The following SYT17 variants were observed in gnomAD, a reference collection of about 807,000 sequenced individuals.
The protein encoded by SYT17 is synaptotagmin 17.
SYT17 carries 22 observed loss-of-function variants against 46.7 expected under a neutral mutation model. The observed-to-expected ratio is 0.47, with a 90% CI of 0.34 to 0.67. SYT17 has a LOEUF of 0.67. Among genes scored for constraint, SYT17 ranks in the 30% least tolerant of loss-of-function variants. The pLI is 0.01. For missense variants in SYT17, 519 were observed against 612.8 expected (o/e 0.85, Z 1.62); for synonymous variants, 251 against 248.4 (o/e 1.01, Z -0.10).
chr16:19,218,786 C>T (rs1311889558), intron 5 of SYT17, among the ~76,000 whole-genome samples: 1 of 152,160 alleles, frequency 6.6e-6, no homozygotes, highest in East Asian at 1.9e-4. Flanking sequence ...TTCCTGTAGG[C>T]GTCTCTAGAA....
intron 5 of SYT17, among the ~76,000 whole-genome samples, chr16:19,195,200 G>C (rs374228376): frequency 3.3e-5 from 5 of 152,008 alleles, no homozygotes; most frequent in Admixed American, 6.6e-5. Flanking sequence ...TTTATTGTGT[G>C]AACTATTATT....
intron 5 of SYT17, among the ~76,000 whole-genome samples, chr16:19,221,431 G>T (rs145793158): frequency 6.6e-6 from 1 of 152,208 alleles, no homozygotes; most frequent in East Asian, 1.9e-4. Flanking sequence ...TAAAAATGTG[G>T]AATAGCCTGA....
At chr16:19,242,004 G>T (rs1281658225) in intron 7 of SYT17, among the ~76,000 whole-genome samples, 3 of 152,166 alleles carry the variant, frequency 2.0e-5, no homozygotes, top group East Asian at 1.9e-4. Flanking sequence ...GGGAAGTGAG[G>T]CAACAATAGG....
chr16:19,197,452 A>G (rs148640666), intron 5 of SYT17, among the ~76,000 whole-genome samples: 35 of 96,356 alleles, frequency 3.6e-4, no homozygotes, highest in Non-Finnish European at 6.8e-4. Flanking sequence ...GTTTGTTATT[A>G]TTATTATTTT....
chr16:19,226,793 G>A (rs9932262), intron 7 of SYT17, among the ~76,000 whole-genome samples: 4,506 of 152,250 alleles, frequency 0.03, 233 homozygotes, highest in African/African-American at 0.1. Context: ...TGAGAATAAG[G>A]GACCTCCTAT....
intron 7 of SYT17, among the ~76,000 whole-genome samples, chr16:19,244,522 T>TGGGG (rs5816040): frequency 0.033 from 5,080 of 152,048 alleles, 299 homozygotes; most frequent in African/African-American, 0.12. Flanking sequence ...TTTGTAGAGA[T>TGGGG]GGGGGTCTCA....
intron 3 of SYT17, 198 bp from the exon 4 acceptor site, chr16:19,180,193 C>T (rs538858346): frequency 1.8e-6 from 1 of 567,088 alleles, no homozygotes; most frequent in South Asian, 2.3e-5. Context: ...AATATTTCTT[C>T]ATATCATTTC....
chr16:19,173,507 C>T lies in SYT17; in HGVS notation c.111C>T (p.Ser37=). The change falls in exon 3 of 8, where the codon TCC becomes TCT. Residue 37 remains serine, a synonymous_variant. Coordinates refer to ENST00000355377, the MANE Select transcript of SYT17 (RefSeq NM_016524.4). ...ACTGCTGTCAGAAGTGCTACGAGTC[C>T]AGCTGTTGCCAGTCAAGTGAGGATG... ...CRHCCQKCYE[S]SCCQSSEDEV... 1 of 1,613,900 alleles carries T rather than the reference C, an allele frequency of 6.2e-7. No homozygotes were observed. Among genetic ancestry groups the T allele is most frequent in the Non-Finnish European group, 8.5e-7 (1 of 1,180,014 alleles).
chr16:19,260,901 A>G (rs1485051516), intron 7 of SYT17, among the ~76,000 whole-genome samples: 1 of 152,234 alleles, frequency 6.6e-6, no homozygotes, highest in Non-Finnish European at 1.5e-5. Context: ...TGCAAATTTT[A>G]TCACCAATTA....
At chr16:19,224,971 C>T (rs1051636956) in intron 7 of SYT17, 133 bp downstream of exon 7, 23 of 984,224 alleles carry the variant, frequency 2.3e-5, no homozygotes, top group African/African-American at 1.8e-4. Context: ...GGGTTTGAAC[C>T]CACTTAACAT....
At chr16:19,263,640 C>CAAAAAAAAAAAAAA (rs1157288423) in intron 7 of SYT17, among the ~76,000 whole-genome samples, 1 of 39,264 alleles carries the variant, frequency 2.5e-5, no homozygotes, top group African/African-American at 7.5e-5. Flanking sequence ...AATTACAACT[C>CAAAAAAAAAAAAAA]AAAAAAAAAA....
chr16:19,258,416 G>T (rs529242818), intron 7 of SYT17, among the ~76,000 whole-genome samples: 2 of 152,114 alleles, frequency 1.3e-5, no homozygotes, highest in Non-Finnish European at 2.9e-5. Context: ...TGAGGCAGGC[G>T]AATCACCTGA....
rs1966844601 is a variant in SYT17 at position 19,236,099 on chromosome 16, C to T, written c.1228+11261C>T. 2.0e-5 allele frequency among the ~76,000 whole-genome samples: 3 copies of T among 152,148 alleles called. No homozygotes were observed. In the South Asian group the frequency reaches 6.2e-4, roughly 32 times the overall value. ...AGTTCCTTACCAGATTGCTGGGCTC[C>T]TGGCTTAACCAAACCACTCTTGTTC... On this transcript the variant is annotated intron_variant, in intron 7 of 7. Coordinates refer to ENST00000355377, the MANE Select transcript of SYT17 (RefSeq NM_016524.4).
intron 5 of SYT17, among the ~76,000 whole-genome samples, chr16:19,201,671 TAAAAA>T (rs559424751): frequency 3.2e-5 from 4 of 126,124 alleles, no homozygotes; most frequent in Non-Finnish European, 3.3e-5. Flanking sequence ...TGCCCCTGCT[TAAAAA>T]AAAAAAAAAA....
intron 7 of SYT17, among the ~76,000 whole-genome samples, chr16:19,236,802 C>G (rs767951742): frequency 1.6e-4 from 25 of 152,140 alleles, no homozygotes; most frequent in Non-Finnish European, 2.4e-4. Context: ...GCTTGTCACG[C>G]CTTTGGCATC....
intron 3 of SYT17, among the ~76,000 whole-genome samples, chr16:19,175,499 T>TAA (rs1187022236): frequency 6.6e-6 from 1 of 151,854 alleles, no homozygotes. Flanking sequence ...TACAAAAATT[T>TAA]AAAAAATTAG....
At chr16:19,259,682 A>ATTTTTTTTTTTTT (rs67609928) in intron 7 of SYT17, among the ~76,000 whole-genome samples, 1 of 147,924 alleles carries the variant, frequency 6.8e-6, no homozygotes. Flanking sequence ...GAATGTTTTG[A>ATTTTTTTTTTTTT]TTTTTTTTTT....
intron 7 of SYT17, among the ~76,000 whole-genome samples, chr16:19,253,790 C>T (rs576948019): frequency 1.2e-4 from 18 of 152,192 alleles, no homozygotes; most frequent in African/African-American, 3.9e-4. Flanking sequence ...TACAGTGGCA[C>T]GATCTCGGCT....
intron 7 of SYT17, among the ~76,000 whole-genome samples, chr16:19,240,059 C>G (rs1966983460): frequency 6.6e-6 from 1 of 152,212 alleles, no homozygotes; most frequent in Non-Finnish European, 1.5e-5. Context: ...CACAGGGCCC[C>G]AAAGGGGAAG....
Sources: gnomAD v4.1 joint callset for allele counts (sites outside exome capture counted in the v4.1 genomes callset) on GRCh38, gnomAD v4.1.1 for gene constraint, MANE v1.5 for transcripts, NCBI Gene and HGNC (gene_info 2026-07-23, HGNC 2026-07-21) for gene names.